Variants in GRK5 observed in about 807,000 individuals in gnomAD.
GRK5 encodes the protein G protein-coupled receptor kinase 5.
In GRK5, 40 loss-of-function variants were observed where a neutral mutation model predicts 78.4. The ratio of observed to expected loss-of-function variants is 0.51; its 90% CI spans 0.40 to 0.66. The LOEUF is 0.66. Among genes scored for constraint, GRK5 ranks in the 30% least tolerant of loss-of-function variants. GRK5 has a pLI of 0.00. For synonymous variants in GRK5, 289 were observed against 296.8 expected (o/e 0.97, Z 0.27); for missense variants, 598 against 759.9 (o/e 0.79, Z 2.50).
Position 119,394,588 on chromosome 10 carries a change from TGTGTGTCTGTGTGTGGGC to T in GRK5, c.262-2106_262-2089del, listed in dbSNP as rs1851992150. Among the ~76,000 whole-genome samples the T allele has an allele frequency of 6.8e-4, 2 of 2,958 alleles. 1 individual carries two copies. Among genetic ancestry groups the T allele is most frequent in the Non-Finnish European group, 2.0e-3 (2 of 1,018 alleles). 1.9% of individuals were successfully genotyped at this position (2,958 alleles called of 152,430 possible). A position where few individuals can be genotyped will look rare whatever the true frequency, so the allele number is the denominator to read the frequency against. ...GGGTGTGTGTGTGTCTGTGTGTGGGTGTGTGTCTGTGTGTGGGCACGTGTATGTTTGGGTGTGTGGGTG... is the reference window on the plus strand; with the variant it reads ...GGGTGTGTGTGTGTCTGTGTGTGGGTACGTGTATGTTTGGGTGTGTGGGTG... On this transcript the variant is annotated intron_variant, in intron 3 of 15. Coordinates refer to ENST00000392870, the MANE Select transcript of GRK5 (RefSeq NM_005308.3).
chr10:119,409,963 G>A (rs1312857222), intron 4 of GRK5, among the ~76,000 whole-genome samples: 1 of 152,172 alleles, frequency 6.6e-6, no homozygotes, highest in Non-Finnish European at 1.5e-5. Flanking sequence ...TGGCCTGAGC[G>A]GAGCTGGCTG....
chr10:119,352,070 G>A (rs942006070), intron 2 of GRK5, among the ~76,000 whole-genome samples: 9 of 152,332 alleles, frequency 5.9e-5, no homozygotes, highest in East Asian at 1.9e-4. Context: ...GGAAGTTTGG[G>A]TGGTAAGGTA....
intron 8 of GRK5, among the ~76,000 whole-genome samples, chr10:119,433,864 A>G (rs987632977): frequency 6.6e-6 from 1 of 152,226 alleles, no homozygotes; most frequent in Admixed American, 6.5e-5. Flanking sequence ...GGACCAGTGT[A>G]TTAGTCCATT....
At chr10:119,293,737 G>A (rs536751157) in intron 1 of GRK5, among the ~76,000 whole-genome samples, 242 of 140,236 alleles carry the variant, frequency 1.7e-3, no homozygotes, top group Non-Finnish European at 2.9e-3. Flanking sequence ...TGCTGCCTCT[G>A]CCCCGAGGCA....
At chr10:119,413,765 G>T (rs775620008) in intron 4 of GRK5, among the ~76,000 whole-genome samples, 1 of 152,022 alleles carries the variant, frequency 6.6e-6, no homozygotes, top group African/African-American at 2.4e-5. Context: ...AAATTTATGA[G>T]AAAACCCACA....
At chr10:119,363,575 A>G (rs1400559821) in intron 2 of GRK5, among the ~76,000 whole-genome samples, 1 of 152,160 alleles carries the variant, frequency 6.6e-6, no homozygotes, top group African/African-American at 2.4e-5. Flanking sequence ...TAGGGCTGCT[A>G]TGGAAACTCT....
chr10:119,268,699 T>A (rs988523469), intron 1 of GRK5, among the ~76,000 whole-genome samples: 3 of 152,226 alleles, frequency 2.0e-5, no homozygotes, highest in Non-Finnish European at 4.4e-5. Flanking sequence ...TTATGGCAGT[T>A]GTCGTCACTG....
chr10:119,449,651 T>C (rs1030036043), intron 13 of GRK5, among the ~76,000 whole-genome samples: 1 of 151,968 alleles, frequency 6.6e-6, no homozygotes, highest in African/African-American at 2.4e-5. Flanking sequence ...TAACCAGGCT[T>C]GGGGGCACAC....
Position 119,264,888 on chromosome 10 carries a change from G to A in GRK5, c.52+56919G>A, listed in dbSNP as rs894066240. 2.0e-5 allele frequency among the ~76,000 whole-genome samples: 3 copies of A among 152,230 alleles called. No individual in the cohort carries two copies. The highest frequency in any genetic ancestry group is 7.2e-5 in the African/African-American group (3 of 41,468). ...GTCATCTGACCAATGAGAATCATTT[G>A]TTCAGAAAACTAAGGTCCATAGAGC... On this transcript the variant is annotated intron_variant, in intron 1 of 15. Transcript: ENST00000392870. This position sits in a 1 kb window ranked among gnomAD's most constrained non-coding sequence, Gnocchi z 4.1.
chr10:119,377,257 C>G (rs1851639747), intron 2 of GRK5, among the ~76,000 whole-genome samples: 1 of 152,230 alleles, frequency 6.6e-6, no homozygotes, highest in Non-Finnish European at 1.5e-5. Flanking sequence ...TAGAACTTCT[C>G]ATGCTTCCAA....
At chr10:119,254,113 G>A (rs1050598018) in intron 1 of GRK5, among the ~76,000 whole-genome samples, 1 of 152,322 alleles carries the variant, frequency 6.6e-6, no homozygotes, top group African/African-American at 2.4e-5. Flanking sequence ...GCCGGTGACT[G>A]TCCCCTAAAG....
intron 9 of GRK5, 124 bp from the exon 10 acceptor site, chr10:119,439,607 G>A (rs1003574200): frequency 1.3e-6 from 1 of 763,836 alleles, no homozygotes; most frequent in Admixed American, 2.3e-5. Flanking sequence ...CCTGAGCCAG[G>A]AGGTGGGAAG....
chr10:119,448,358 C>A, intron 13 of GRK5, 98 bp downstream of exon 13: 1 of 1,349,554 alleles, frequency 7.4e-7, no homozygotes, highest in Non-Finnish European at 1.0e-6. Context: ...GAGTGTGGGG[C>A]ACATCGTGTC....
In GRK5 at chr10:119,458,261, G is replaced by A. The variant is rs1853430067; in HGVS notation, c.*3194G>A. 6.6e-6 allele frequency: 1 copy of A among 152,220 alleles called. No individual in the cohort carries two copies. Among genetic ancestry groups the A allele is most frequent in the African/African-American group, 2.4e-5 (1 of 41,460 alleles). 9.4% of individuals were successfully genotyped at this position (152,220 alleles called of 1,614,324 possible). ...TTTCAGGAGATGAGCTGCTGTCCCT[G>A]GTGGACAGAGGCGGTCTCTGCCATG... On this transcript the variant is annotated 3_prime_UTR_variant, in exon 16 of 16. Coordinates refer to ENST00000392870, the MANE Select transcript of GRK5 (RefSeq NM_005308.3).
intron 1 of GRK5, chr10:119,213,096 T>A (rs1433111612): frequency 6.6e-6 from 1 of 152,272 alleles, no homozygotes; most frequent in African/African-American, 2.4e-5. Context: ...GGACTGCATC[T>A]GTGCATAGCC....
rs746934751 is a variant in GRK5, at chr10:119,455,091, A to G, written c.*24A>G. The G allele has an allele frequency of 6.5e-7, 1 of 1,542,090 alleles. No individual in the cohort carries two copies. On this transcript the variant is annotated 3_prime_UTR_variant, in exon 16 of 16. Coordinates refer to ENST00000392870, the MANE Select transcript of GRK5 (RefSeq NM_005308.3). ...AGTTTCGGCTCTGGCCTCCAAGTCC[A>G]CAGTGGAACCAGCCCAGACCCTTCT...
rs1346454183 is a variant in GRK5, at chr10:119,458,131, A to C, written c.*3064A>C. Reference sequence around the variant, plus strand: ...CATGCATTTGAGCGCTTCACAGAAGAGTCTTTCTTGCTCCAGGCATGACAT... The same window carrying C: ...CATGCATTTGAGCGCTTCACAGAAGCGTCTTTCTTGCTCCAGGCATGACAT... On this transcript the variant is annotated 3_prime_UTR_variant, in exon 16 of 16. Transcript: ENST00000392870. 6.6e-6 allele frequency: 1 copy of C among 152,222 alleles called. No individual in the cohort carries two copies. Among genetic ancestry groups the C allele is most frequent in the Admixed American group, 6.5e-5 (1 of 15,288 alleles). The allele number at this position is 152,222 out of a possible 1,614,324, so 9.4% of individuals were successfully genotyped here.
intron 1 of GRK5, among the ~76,000 whole-genome samples, chr10:119,276,077 G>T (rs1268095438): frequency 2.0e-5 from 3 of 152,280 alleles, no homozygotes; most frequent in Middle Eastern, 3.4e-3. Flanking sequence ...GGTTTTGATT[G>T]TAAAGGCATG....
At chr10:119,450,952 C>T (rs1268380568) in intron 13 of GRK5, among the ~76,000 whole-genome samples, 1 of 149,880 alleles carries the variant, frequency 6.7e-6, no homozygotes, top group East Asian at 2.0e-4. Context: ...AACCCCCAGT[C>T]ATCCCTGCCA....
Sources: allele counts gnomAD v4.1 joint callset (sites outside exome capture counted in the v4.1 genomes callset), GRCh38; gene constraint gnomAD v4.1.1; non-coding constraint Gnocchi (gnomAD v3.1); transcripts MANE v1.5; gene names NCBI Gene and HGNC (gene_info 2026-07-23, HGNC 2026-07-21).